TMC2: variants seen among roughly 807,000 people sequenced by gnomAD.
TMC2 encodes the protein transmembrane channel-like protein 2.
TMC2 carries 102 observed loss-of-function variants against 105.9 expected under a neutral mutation model. The observed-to-expected ratio is 0.96, with a 90% CI of 0.82 to 1.14. TMC2 has a LOEUF of 1.14. Among genes scored for constraint, TMC2 ranks in the 50% most tolerant of loss-of-function variants. The probability of loss-of-function intolerance (pLI) is 0.00; values close to 1 mark genes in which losing one functional copy is unlikely to be tolerated. For synonymous variants in TMC2, 402 were observed against 422.8 expected (o/e 0.95, Z 0.60); for missense variants, 1,093 against 1,134.3 (o/e 0.96, Z 0.52).
rs1024125601 is a variant in TMC2, at chr20:2,583,036, C to T, written c.834+2980C>T. On this transcript the variant is annotated intron_variant, in intron 7 of 19. Transcript: ENST00000358864. Reference sequence around the variant, plus strand: ...CAACACTGGATGTATGTGAAAATCACCTGGGGGACTTTAAGAACACCAGAT... The same window carrying T: ...CAACACTGGATGTATGTGAAAATCATCTGGGGGACTTTAAGAACACCAGAT... Among the ~76,000 whole-genome samples the T allele has an allele frequency of 4.6e-5, 7 of 152,148 alleles. No individual in the cohort carries two copies. In the South Asian group the frequency reaches 1.0e-3, roughly 22 times the overall value.
intron 13 of TMC2, 94 bp from the exon 14 acceptor site, chr20:2,613,100 G>T (rs975418717): frequency 1.3e-6 from 2 of 1,483,594 alleles, no homozygotes; most frequent in East Asian, 4.6e-5. Context: ...AGGTGGGTGG[G>T]GGAGAGTTTA....
At chr20:2,617,899 C>T (rs1016482713) in intron 16 of TMC2, 26 of 153,858 alleles carry the variant, frequency 1.7e-4, no homozygotes, top group Non-Finnish European at 2.9e-4. Flanking sequence ...TTAGTAGAGA[C>T]GGGGTTTTGC....
At position 2,594,947 on chromosome 20, in the gene TMC2, C is replaced by A. The variant is rs765523241; in HGVS notation, c.1056C>A (p.Ser352Arg). The A allele has an allele frequency of 2.5e-6, 4 of 1,613,788 alleles. No homozygotes were observed. Among genetic ancestry groups the A allele is most frequent in the African/African-American group, 2.7e-5 (2 of 74,906 alleles). Residue 352 changes from serine (S) to arginine (R), a missense_variant, in exon 9 of 20, where the codon AGC becomes AGA. By Grantham distance (110) the Ser-to-Arg change is moderately radical. Coordinates refer to ENST00000358864, the MANE Select transcript of TMC2 (RefSeq NM_080751.3). ...TGGGGGTCAGCGTGTTCGGCTACAG[C>A]CTGATTATTGTCATTCGATCGTAAG... is the stretch of plus-strand genomic sequence containing the variant. The part of the protein sequence containing the change: ...FMVGVSVFGY[S>R]LIIVIRSMAS...
chr20:2,626,748 TAGGG>T (rs1189545339), intron 17 of TMC2, among the ~76,000 whole-genome samples: 1 of 152,256 alleles, frequency 6.6e-6, no homozygotes, highest in Non-Finnish European at 1.5e-5. Context: ...CACAGTCTTT[TAGGG>T]GTCTCAACTG....
At chr20:2,574,512 G>A (rs945904700) in intron 5 of TMC2, among the ~76,000 whole-genome samples, 5 of 152,110 alleles carry the variant, frequency 3.3e-5, no homozygotes, top group African/African-American at 7.2e-5. Flanking sequence ...AGTAGAGATC[G>A]AGAGCCATTT....
chr20:2,582,173 C>G (rs1392084818), intron 7 of TMC2, among the ~76,000 whole-genome samples: 1 of 152,140 alleles, frequency 6.6e-6, no homozygotes, highest in Non-Finnish European at 1.5e-5. Context: ...ACGGACAAGT[C>G]TTGATGACAG....
intron 17 of TMC2, among the ~76,000 whole-genome samples, chr20:2,625,568 C>T (rs988776165): frequency 4.6e-5 from 7 of 152,292 alleles, no homozygotes; most frequent in South Asian, 2.1e-4. Context: ...TTTATCCATG[C>T]GGATACATGA....
In TMC2 at chr20:2,641,144, T is replaced by A. The variant is rs779565340; in HGVS notation, c.2514T>A (p.Pro838=). 4.3e-6 allele frequency: 7 copies of A among 1,613,936 alleles called. No homozygotes were observed. In the African/African-American group the frequency reaches 9.3e-5, roughly 22 times the overall value. The change falls in exon 20 of 20, where the codon CCT becomes CCA. Residue 838 remains proline (P), a synonymous_variant. Transcript: ENST00000358864. ...TGGTTCGTTTTCCAGAGACCACTCC[T>A]CCCTCTGCCAGCCAAAGCCAGGCCA... ...QLQLTKEETT[P]PSASQSQAMD...
chr20:2,555,301 G>A (rs1027295951), intron 2 of TMC2, among the ~76,000 whole-genome samples: 17 of 151,690 alleles, frequency 1.1e-4, no homozygotes, highest in Admixed American at 3.9e-4. Context: ...CGCTGGTCTC[G>A]AACACCTGAC....
intron 17 of TMC2, among the ~76,000 whole-genome samples, chr20:2,627,141 T>C (rs1242187903): frequency 1.3e-5 from 2 of 152,188 alleles, no homozygotes; most frequent in Non-Finnish European, 2.9e-5. Context: ...ACATCCTGCA[T>C]TCATGAGAAC....
chr20:2,616,322 C>T lies in TMC2; in HGVS notation c.1940+118C>T, dbSNP rs1029118391. 1.8e-5 allele frequency: 15 copies of T among 826,514 alleles called. No homozygotes were observed. Among genetic ancestry groups the T allele is most frequent in the Admixed American group, 9.3e-5 (5 of 53,546 alleles). 51.2% of individuals were successfully genotyped at this position (826,514 alleles called of 1,614,324 possible). ...AGATAAGTCCTCTTGCCTCTCTGAACTCCCCTCTTTCACATGAAAAATCAA... is the reference window on the plus strand; with the variant it reads ...AGATAAGTCCTCTTGCCTCTCTGAATTCCCCTCTTTCACATGAAAAATCAA... On this transcript the variant is annotated intron_variant, in intron 15 of 19. Transcript: ENST00000358864. The surrounding 1 kb of genome is among the most constrained non-coding windows in gnomAD (Gnocchi z 4.8).
At chr20:2,580,816 G>C (rs2086184163) in intron 7 of TMC2, among the ~76,000 whole-genome samples, 1 of 152,194 alleles carries the variant, frequency 6.6e-6, no homozygotes, top group Non-Finnish European at 1.5e-5. Flanking sequence ...AAACAAAAAA[G>C]GGGTAATGAG....
rs1191177098 is a variant in TMC2, at chr20:2,537,310, C to T, written c.76C>T (p.His26Tyr). 13 of 1,601,060 alleles carry T rather than the reference C, an allele frequency of 8.1e-6. 1 individual carries two copies. The highest frequency in any genetic ancestry group is 1.7e-5 in the Admixed American group (1 of 57,874). Residue 26 changes from histidine (H) to tyrosine (Y), a missense_variant, in exon 2 of 20, where the codon CAC becomes TAC. By Grantham distance (83) the His-to-Tyr change is moderately conservative. Coordinates refer to ENST00000358864, the MANE Select transcript of TMC2 (RefSeq NM_080751.3). ...AGGGCGGGTGAAGAGCGGCTCTCCA[C>T]ACACAGGTGAGATGGGGTGGTGGGG... ...VKGRVKSGSP[H>Y]TGDRLGRRSS...
chr20:2,561,350 T>C (rs563343574), intron 3 of TMC2, among the ~76,000 whole-genome samples: 24 of 152,218 alleles, frequency 1.6e-4, no homozygotes, highest in Non-Finnish European at 2.6e-4. Context: ...AAATTAAATA[T>C]ATCTGATGAA....
intron 9 of TMC2, among the ~76,000 whole-genome samples, chr20:2,596,134 T>G (rs1004586895): frequency 1.3e-5 from 2 of 152,160 alleles, no homozygotes; most frequent in Non-Finnish European, 2.9e-5. Flanking sequence ...TTAGGGAAGA[T>G]GACAAACCCC....
intron 8 of TMC2, among the ~76,000 whole-genome samples, chr20:2,594,115 C>T (rs2086287200): frequency 6.6e-6 from 1 of 152,054 alleles, no homozygotes; most frequent in Admixed American, 6.6e-5. Flanking sequence ...TGTAGTGCTG[C>T]CCACAGCAAG....
chr20:2,595,666 G>A (rs1404987248), intron 9 of TMC2, among the ~76,000 whole-genome samples: 1 of 152,088 alleles, frequency 6.6e-6, no homozygotes, highest in East Asian at 1.9e-4. Context: ...GCTGTGGCTG[G>A]GGGTCACGGA....
chr20:2,564,274 C>A (rs1362753892), intron 4 of TMC2, among the ~76,000 whole-genome samples: 1 of 151,442 alleles, frequency 6.6e-6, no homozygotes, highest in Non-Finnish European at 1.5e-5. Context: ...CCTCAGCCTG[C>A]CGAGTAGCTG....
At chr20:2,554,633 T>C (rs2085975439) in intron 2 of TMC2, among the ~76,000 whole-genome samples, 1 of 152,242 alleles carries the variant, frequency 6.6e-6, no homozygotes, top group Non-Finnish European at 1.5e-5. Flanking sequence ...TGACCAGTTG[T>C]ATTTTCATTT....
Sources: allele counts gnomAD v4.1 joint callset (sites outside exome capture counted in the v4.1 genomes callset), GRCh38; gene constraint gnomAD v4.1.1; non-coding constraint Gnocchi (gnomAD v3.1); transcripts MANE v1.5; gene names NCBI Gene and HGNC (gene_info 2026-07-23, HGNC 2026-07-21).